The following KIF21A variants were observed in gnomAD, a reference collection of about 807,000 sequenced individuals.
KIF21A encodes kinesin family member 21A.
Under a neutral mutation model 202.9 loss-of-function variants are expected in KIF21A, and 114 were observed. The observed-to-expected ratio is 0.56, with a 90% CI of 0.48 to 0.66. The LOEUF is 0.66. Ranked by LOEUF, KIF21A falls within the 30% of genes least tolerant of loss-of-function variation. The pLI, the probability that KIF21A is intolerant of heterozygous loss-of-function variation, is 0.00. For synonymous variants in KIF21A, 667 were observed against 670.8 expected, an observed-to-expected ratio of 0.99 and a Z score of 0.09; for missense variants, 1,677 against 1,994.9, an observed-to-expected ratio of 0.84 and a Z score of 3.04.
intron 1 of KIF21A, among the ~76,000 whole-genome samples, chr12:39,396,041 G>A (rs145099133): frequency 6.6e-6 from 1 of 151,892 alleles, no homozygotes; most frequent in Non-Finnish European, 1.5e-5. Context: ...TCCCGCTTAG[G>A]GGGAGGCACG....
intron 1 of KIF21A, among the ~76,000 whole-genome samples, chr12:39,417,028 T>G (rs1034956049): frequency 2.0e-5 from 3 of 151,820 alleles, no homozygotes; most frequent in African/African-American, 7.3e-5. Flanking sequence ...TAGCACTAAC[T>G]CAATCATTAA....
At chr12:39,405,594 A>C (rs1289683103) in intron 1 of KIF21A, among the ~76,000 whole-genome samples, 2 of 152,190 alleles carry the variant, frequency 1.3e-5, no homozygotes, top group Non-Finnish European at 2.9e-5. Flanking sequence ...GCACTGTTAA[A>C]AAGCTTCATA....
At chr12:39,343,199 T>C (rs2138444795) in intron 12 of KIF21A, among the ~76,000 whole-genome samples, 1 of 152,062 alleles carries the variant, frequency 6.6e-6, no homozygotes, top group South Asian at 2.1e-4. Flanking sequence ...CCGTCTCTAC[T>C]AAAAATACAA....
chr12:39,333,665 A>G (rs1033423173), intron 17 of KIF21A, among the ~76,000 whole-genome samples: 5 of 152,184 alleles, frequency 3.3e-5, no homozygotes, highest in African/African-American at 1.2e-4. Flanking sequence ...AATATTTTCA[A>G]TAGAGTCATC....
chr12:39,340,074 A>G lies in KIF21A; in HGVS notation c.2310+91T>C, dbSNP rs899538299. The G allele has an allele frequency of 2.2e-5, 22 of 1,005,048 alleles. No individual in the cohort carries two copies. In the African/African-American group the frequency reaches 3.6e-4, roughly 16 times the overall value. The allele number at this position is 1,005,048 out of a possible 1,614,324, so 62.3% of individuals were successfully genotyped here. On this transcript the variant is annotated intron_variant, in intron 16 of 37. Transcript: ENST00000361418. ...TAAGATTGGGTTACCTTTATCGAATATGGAAAGAACCACAAGAGTTGTTTA... is the reference window on the plus strand; with the variant it reads ...TAAGATTGGGTTACCTTTATCGAATGTGGAAAGAACCACAAGAGTTGTTTA...
At chr12:39,363,713 A>G (rs2139031180) in intron 6 of KIF21A, among the ~76,000 whole-genome samples, 1 of 152,326 alleles carries the variant, frequency 6.6e-6, no homozygotes, top group Middle Eastern at 3.4e-3. Flanking sequence ...AAGTATATCT[A>G]TCCTTAGACA....
chr12:39,340,100 T>C, intron 16 of KIF21A, 65 bp downstream of exon 16: 2 of 1,276,708 alleles, frequency 1.6e-6, no homozygotes, highest in Non-Finnish European at 2.3e-6. Flanking sequence ...GAGTTGTTTA[T>C]TTTTTGTCCC....
intron 10 of KIF21A, among the ~76,000 whole-genome samples, chr12:39,355,500 A>C (rs1948699879): frequency 6.6e-6 from 1 of 152,026 alleles, no homozygotes; most frequent in South Asian, 2.1e-4. Flanking sequence ...AAGAATTAAA[A>C]AAACAGAGCT....
At chr12:39,396,670 A>C (rs1951783199) in intron 1 of KIF21A, among the ~76,000 whole-genome samples, 1 of 152,212 alleles carries the variant, frequency 6.6e-6, no homozygotes, top group Non-Finnish European at 1.5e-5. Flanking sequence ...AGAGAAGAAA[A>C]GTCAAGCCAG....
chr12:39,334,069 C>T (rs1176295409), intron 17 of KIF21A, among the ~76,000 whole-genome samples: 3 of 151,594 alleles, frequency 2.0e-5, no homozygotes, highest in Non-Finnish European at 4.4e-5. Flanking sequence ...GGCATGGTGG[C>T]ACGTGCCTCC....
At chr12:39,311,310 ATTCT>A in intron 32 of KIF21A, 103 bp downstream of exon 32, 1 of 1,028,996 alleles carries the variant, frequency 9.7e-7, no homozygotes, top group Non-Finnish European at 1.4e-6. Context: ...AGATTATCCG[ATTCT>A]TTCTGGTCTT....
At chr12:39,315,194 A>C in intron 31 of KIF21A, 35 bp downstream of exon 31, 1 of 1,598,436 alleles carries the variant, frequency 6.3e-7, no homozygotes, top group African/African-American at 1.3e-5. Context: ...TGATACTGGA[A>C]ATGAAATTAA....
At chr12:39,369,607 C>G in intron 3 of KIF21A, 122 bp downstream of exon 3, 1 of 724,906 alleles carries the variant, frequency 1.4e-6, no homozygotes, top group African/African-American at 1.8e-5. Flanking sequence ...TTAATTTACT[C>G]AAACAACATT....
intron 1 of KIF21A, among the ~76,000 whole-genome samples, chr12:39,397,100 CTGGAT>C (rs1951811205): frequency 6.6e-6 from 1 of 152,136 alleles, no homozygotes. Flanking sequence ...TGTTTTAAAA[CTGGAT>C]TGTGATGATG....
chr12:39,397,179 G>A (rs1420149742), intron 1 of KIF21A, among the ~76,000 whole-genome samples: 1 of 151,924 alleles, frequency 6.6e-6, no homozygotes, highest in East Asian at 1.9e-4. Context: ...TGAATTTTAT[G>A]GTCTATAAAT....
intron 36 of KIF21A, among the ~76,000 whole-genome samples, chr12:39,302,396 C>T (rs1285604991): frequency 6.6e-6 from 1 of 152,102 alleles, no homozygotes; most frequent in Non-Finnish European, 1.5e-5. Context: ...TAAATACCCA[C>T]ACATATATAT....
chr12:39,436,424 A>T lies in KIF21A; in HGVS notation c.44+6503T>A, dbSNP rs74467239. On this transcript the variant is annotated intron_variant, in intron 1 of 37. Coordinates refer to ENST00000361418, the MANE Select transcript of KIF21A (RefSeq NM_001173464.2). ...AATAATTATAAGGGTTTACTATATT[A>T]TATATATATATATATATATATATAT... 6.4e-3 allele frequency among the ~76,000 whole-genome samples: 579 copies of T among 90,602 alleles called. 1 individual carries two copies. Among genetic ancestry groups the T allele is most frequent in the Non-Finnish European group, 7.5e-3 (357 of 47,340 alleles). The allele number at this position is 90,602 out of a possible 152,430, so 59.4% of individuals were successfully genotyped here.
chr12:39,299,138 GCAC>G (rs561397251), intron 37 of KIF21A, among the ~76,000 whole-genome samples: 80 of 152,172 alleles, frequency 5.3e-4, no homozygotes, highest in Non-Finnish European at 2.5e-4. Flanking sequence ...CTCTTCATCT[GCAC>G]AGCAAAAGAA....
At position 39,331,669 on chromosome 12, in the gene KIF21A, AAC is replaced by A. The variant is rs1213029673; in HGVS notation, c.3153+19_3153+20del. On this transcript the variant is annotated intron_variant, in intron 22 of 37. Coordinates refer to ENST00000361418, the MANE Select transcript of KIF21A (RefSeq NM_001173464.2). Reference sequence around the variant, plus strand: ...ATTAGTCAAAACTTAGATTTTCAGTAACAGTGTGGTTGTATCTTACCTTATTG... The same window carrying A: ...ATTAGTCAAAACTTAGATTTTCAGTAAGTGTGGTTGTATCTTACCTTATTG... 6.7e-7 allele frequency: 1 copy of A among 1,492,746 alleles called. No individual in the cohort carries two copies. The highest frequency in any genetic ancestry group is 9.3e-7 in the Non-Finnish European group (1 of 1,069,540). The allele number at this position is 1,492,746 out of a possible 1,614,324, so 92.5% of individuals were successfully genotyped here. A position where few individuals can be genotyped will look rare whatever the true frequency, so the allele number is the denominator to read the frequency against.
Sources: gnomAD v4.1 joint callset for allele counts (sites outside exome capture counted in the v4.1 genomes callset) on GRCh38, gnomAD v4.1.1 for gene constraint, MANE v1.5 for transcripts, NCBI Gene and HGNC (gene_info 2026-07-23, HGNC 2026-07-21) for gene names.